Variants in VWA8 observed in about 807,000 individuals in gnomAD.
VWA8 encodes the protein von Willebrand factor A domain-containing protein 8.
VWA8 carries 221 observed loss-of-function variants against 241.5 expected under a neutral mutation model. That is an observed-to-expected ratio of 0.91 (90% CI 0.82 to 1.02). The LOEUF (loss-of-function observed/expected upper bound fraction) is 1.02. Among genes scored for constraint, VWA8 ranks in the 50% least tolerant of loss-of-function variants. VWA8 has a pLI of 0.00. For missense variants in VWA8, 2,322 were observed against 2,328.7 expected (o/e 1.00, Z 0.06); for synonymous variants, 852 against 827.1 (o/e 1.03, Z -0.52).
Position 41,801,429 on chromosome 13 carries a change from G to C in VWA8, c.2063+9796C>G, listed in dbSNP as rs1217359523. ...TCCACTAAACTGAGAGGTTATAGAG[G>C]GTAATAAAGATTCTGCTAAACTGAA... is the stretch of plus-strand genomic sequence containing the variant. On this transcript the variant is annotated intron_variant, in intron 17 of 44. Coordinates refer to ENST00000379310, the MANE Select transcript of VWA8 (RefSeq NM_015058.2). Among the ~76,000 whole-genome samples, 3 of 151,926 alleles carry C rather than the reference G, an allele frequency of 2.0e-5. 1 individual carries two copies. Among genetic ancestry groups the C allele is most frequent in the Non-Finnish European group, 4.4e-5 (3 of 67,964 alleles).
chr13:41,726,659 A>G (rs1371054765), intron 24 of VWA8, among the ~76,000 whole-genome samples: 2 of 152,178 alleles, frequency 1.3e-5, no homozygotes, highest in Non-Finnish European at 2.9e-5. Flanking sequence ...CTTAGATATG[A>G]AGCCCAAGTC....
chr13:41,955,187 A>G (rs1321574788), intron 1 of VWA8, among the ~76,000 whole-genome samples: 1 of 152,228 alleles, frequency 6.6e-6, no homozygotes, highest in Non-Finnish European at 1.5e-5. Context: ...TAAGTGAGGT[A>G]GTTTACTCTC....
intron 16 of VWA8, among the ~76,000 whole-genome samples, chr13:41,813,000 G>A (rs1870537452): frequency 6.6e-6 from 1 of 152,118 alleles, no homozygotes. Flanking sequence ...TCAAAGGCAT[G>A]AAAGCAAAAG....
intron 40 of VWA8, among the ~76,000 whole-genome samples, chr13:41,598,652 C>A (rs1016077098): frequency 2.0e-5 from 3 of 151,946 alleles, no homozygotes; most frequent in African/African-American, 7.2e-5. Context: ...ATATCTGTCA[C>A]CTTTGTACTT....
At chr13:41,719,826 T>C in intron 25 of VWA8, 84 bp from the exon 26 acceptor site, 1 of 1,292,598 alleles carries the variant, frequency 7.7e-7, no homozygotes, top group Non-Finnish European at 1.0e-6. Flanking sequence ...AGGACAATAA[T>C]GATCAAATGA....
intron 4 of VWA8, among the ~76,000 whole-genome samples, chr13:41,904,481 A>G (rs924806593): frequency 9.2e-5 from 14 of 152,020 alleles, no homozygotes; most frequent in African/African-American, 3.1e-4. Flanking sequence ...CTCAAATCCC[A>G]TCCCTCACTC....
At chr13:41,702,811 C>T (rs1056955497) in intron 27 of VWA8, among the ~76,000 whole-genome samples, 2 of 152,188 alleles carry the variant, frequency 1.3e-5, no homozygotes, top group Non-Finnish European at 2.9e-5. Flanking sequence ...CTTGAAATTA[C>T]AAGTCCAGTG....
chr13:41,885,102 C>T (rs1874459274), intron 8 of VWA8, among the ~76,000 whole-genome samples: 1 of 152,192 alleles, frequency 6.6e-6, no homozygotes, highest in African/African-American at 2.4e-5. Flanking sequence ...AGCCCACCAA[C>T]TTAATATTGT....
At chr13:41,637,171 CA>C (rs1400771377) in intron 37 of VWA8, among the ~76,000 whole-genome samples, 2 of 151,490 alleles carry the variant, frequency 1.3e-5, no homozygotes, top group Non-Finnish European at 2.9e-5. Context: ...CCCAAATGTC[CA>C]ACAACGATAG....
At chr13:41,741,035 G>T (rs886247865) in intron 21 of VWA8, among the ~76,000 whole-genome samples, 2 of 152,086 alleles carry the variant, frequency 1.3e-5, no homozygotes, top group Non-Finnish European at 2.9e-5. Context: ...TCTCTGCTCT[G>T]GCCCCCTTCC....
chr13:41,731,615 G>GT (rs2045484153), intron 22 of VWA8, among the ~76,000 whole-genome samples: 1 of 152,122 alleles, frequency 6.6e-6, no homozygotes, highest in Admixed American at 6.6e-5. Context: ...AGGCTGAAAC[G>GT]TATTAGAATC....
At chr13:41,632,538 A>G (rs1022751712) in intron 37 of VWA8, among the ~76,000 whole-genome samples, 5 of 152,190 alleles carry the variant, frequency 3.3e-5, no homozygotes. Context: ...GACAGGTTAC[A>G]ATGCTATAGT....
At position 41,721,503 on chromosome 13, in the gene VWA8, CCATACTGT is replaced by C. The variant is rs765417835; in HGVS notation, c.2823_2830del (p.Gln942ThrfsTer5). The C allele has an allele frequency of 6.2e-7, 1 of 1,613,862 alleles. No homozygotes were observed. The highest frequency in any genetic ancestry group is 1.1e-5 in the South Asian group (1 of 91,070). On this transcript the variant is annotated frameshift_variant, in exon 25 of 45. Transcript: ENST00000379310. LOFTEE classifies it high-confidence loss of function. ...AAGGATGGGCTCAGGCACATTTGGT[CCATACTGT>C]CTGAGCATCTCGAGCTCCGAGTGGG...
chr13:41,571,331 TCC>T (rs2044301981), intron 43 of VWA8, among the ~76,000 whole-genome samples: 1 of 131,952 alleles, frequency 7.6e-6, no homozygotes, highest in African/African-American at 3.3e-5. Flanking sequence ...CTCTCCCGTC[TCC>T]CTCTCCCTCT....
rs1251456060 is a variant in VWA8 at position 41,784,691 on chromosome 13, CATATACATATATAT to C, written c.2171-804_2171-791del. Among the ~76,000 whole-genome samples, 16 of 45,462 alleles carry C rather than the reference CATATACATATATAT, an allele frequency of 3.5e-4. 1 individual carries two copies. The East Asian group carries it at 4.8e-3, about 13-fold the overall frequency. 29.8% of individuals were successfully genotyped at this position (45,462 alleles called of 152,430 possible). A position where few individuals can be genotyped will look rare whatever the true frequency, so the allele number is the denominator to read the frequency against. On this transcript the variant is annotated intron_variant, in intron 18 of 44. Coordinates refer to ENST00000379310, the MANE Select transcript of VWA8 (RefSeq NM_015058.2). ...CTCTCTCTCTCTCTTTATACATATA[CATATACATATATAT>C]ATATATATATATATATATATATATA...
intron 24 of VWA8, among the ~76,000 whole-genome samples, chr13:41,722,045 G>A (rs765655369): frequency 2.6e-5 from 4 of 151,930 alleles, no homozygotes; most frequent in Non-Finnish European, 4.4e-5. Context: ...GTTCTGAGAC[G>A]GCCTTTTTAA....
intron 2 of VWA8, among the ~76,000 whole-genome samples, chr13:41,928,107 C>G (rs1346121063): frequency 2.6e-5 from 4 of 152,036 alleles, no homozygotes; most frequent in Non-Finnish European, 5.9e-5. Context: ...TACATTAAAG[C>G]AAATATTAAT....
intron 21 of VWA8, among the ~76,000 whole-genome samples, chr13:41,760,314 C>T (rs1407942213): frequency 6.6e-6 from 1 of 151,834 alleles, no homozygotes; most frequent in Non-Finnish European, 1.5e-5. Flanking sequence ...TGAGTCCTTT[C>T]CTCTTTCTCC....
chr13:41,721,094 A>C (rs964746745), intron 25 of VWA8, among the ~76,000 whole-genome samples: 7 of 152,058 alleles, frequency 4.6e-5, no homozygotes, highest in African/African-American at 1.7e-4. Context: ...CCACTGACTC[A>C]CTCTCTTGCT....
Sources: gnomAD v4.1 joint callset for allele counts (sites outside exome capture counted in the v4.1 genomes callset) on GRCh38, gnomAD v4.1.1 for gene constraint, MANE v1.5 for transcripts, NCBI Gene and HGNC (gene_info 2026-07-23, HGNC 2026-07-21) for gene names.